PDE1A: variants seen among roughly 807,000 people sequenced by gnomAD.
PDE1A encodes the protein phosphodiesterase 1A, also known as dual specificity calcium/calmodulin-dependent 3',5'-cyclic nucleotide phosphodiesterase 1A.
Under a neutral mutation model 61.7 loss-of-function variants are expected in PDE1A, and 35 were observed. The ratio of observed to expected loss-of-function variants is 0.57; its 90% confidence interval spans 0.43 to 0.75. PDE1A has a LOEUF of 0.75. PDE1A is among the 30% of genes least tolerant of loss of function. PDE1A has a pLI of 0.00. For synonymous variants in PDE1A, 232 were observed against 213.2 expected (o/e 1.09, Z -0.77); for missense variants, 597 against 630.6 (o/e 0.95, Z 0.57).
intron 1 of PDE1A, among the ~76,000 whole-genome samples, chr2:182,376,754 A>G (rs1432077560): frequency 7.2e-5 from 11 of 152,222 alleles, no homozygotes; most frequent in Admixed American, 7.2e-4. Context: ...GCAATTTACA[A>G]AAGAAAGAGG....
the PDE1A span, among the ~76,000 whole-genome samples, chr2:182,683,095 CTTTT>C: frequency 7.3e-6 from 1 of 137,868 alleles, no homozygotes. Flanking sequence ...TTTTTCTTTT[CTTTT>C]TTTTTTTTTT....
intron 2 of PDE1A, among the ~76,000 whole-genome samples, chr2:182,468,995 G>C (rs1686855775): frequency 6.6e-6 from 1 of 152,050 alleles, no homozygotes; most frequent in South Asian, 2.1e-4. Flanking sequence ...CTGTTATCCA[G>C]CTTCATTGTT....
upstream of PDE1A, among the ~76,000 whole-genome samples, chr2:182,527,339 T>A (rs1690792849): frequency 7.0e-4 from 5 of 7,110 alleles, 2 homozygotes; most frequent in African/African-American, 3.0e-3. Flanking sequence ...TATATATATA[T>A]ATATATATAT....
chr2:182,508,112 T>A (rs542565340), intron 2 of PDE1A, among the ~76,000 whole-genome samples: 86 of 147,376 alleles, frequency 5.8e-4, no homozygotes, highest in African/African-American at 2.2e-3. Context: ...TAGAATTCTT[T>A]TTTTTTTTTT....
intron 1 of PDE1A, among the ~76,000 whole-genome samples, chr2:182,271,939 T>A (rs1693057460): frequency 6.6e-6 from 1 of 152,076 alleles, no homozygotes; most frequent in Non-Finnish European, 1.5e-5. Context: ...AAAAACATGC[T>A]ACTTTTTAAA....
At chr2:182,410,804 A>C (rs1702566368) in intron 1 of PDE1A, among the ~76,000 whole-genome samples, 1 of 152,230 alleles carries the variant, frequency 6.6e-6, no homozygotes, top group Non-Finnish European at 1.5e-5. Flanking sequence ...CACTGACAAG[A>C]CACAGAAAAG....
intron 1 of PDE1A, among the ~76,000 whole-genome samples, chr2:182,364,465 G>GGAAAAAA (rs1699697812): frequency 7.7e-5 from 1 of 12,940 alleles, no homozygotes; most frequent in Non-Finnish European, 1.6e-4. Context: ...GAACACTTTG[G>GGAAAAAA]TAAAAAAAAA....
downstream of PDE1A, chr2:182,146,963 A>C: frequency 1.7e-6 from 1 of 575,914 alleles, no homozygotes; most frequent in Non-Finnish European, 3.0e-6. Flanking sequence ...AAATAAGAAA[A>C]TTTCATCCAT....
At chr2:182,354,429 T>A (rs959357742) in intron 1 of PDE1A, among the ~76,000 whole-genome samples, 1 of 152,150 alleles carries the variant, frequency 6.6e-6, no homozygotes, top group African/African-American at 2.4e-5. Context: ...CACAGGAAAA[T>A]CACGTTTTCT....
the PDE1A span, among the ~76,000 whole-genome samples, chr2:182,605,126 ACAATT>A: frequency 1.3e-5 from 2 of 151,888 alleles, no homozygotes; most frequent in Non-Finnish European, 2.9e-5. Context: ...TTTGACCTTA[ACAATT>A]CATTTCAAGC....
chr2:182,578,635 A>G, the PDE1A span, among the ~76,000 whole-genome samples: 1 of 152,236 alleles, frequency 6.6e-6, no homozygotes, highest in Non-Finnish European at 1.5e-5. Context: ...AAGTACATTT[A>G]TACAATAGAA....
chr2:182,469,686 G>A (rs760351452), intron 2 of PDE1A, among the ~76,000 whole-genome samples: 29 of 151,850 alleles, frequency 1.9e-4, no homozygotes, highest in Non-Finnish European at 4.0e-4. Context: ...AGCCTATCTC[G>A]GCTTTCACTG....
chr2:182,527,324 AAAAATATATATATATATATATATAT>A (rs1200259802), upstream of PDE1A, among the ~76,000 whole-genome samples: 75 of 37,172 alleles, frequency 2.0e-3, 8 homozygotes, highest in African/African-American at 7.5e-3. Flanking sequence ...AAAAAAAAAA[AAAAATATATATATATATATATATAT>A]ATATATATAT....
At chr2:182,555,170 G>C in the PDE1A span, among the ~76,000 whole-genome samples, 9 of 152,186 alleles carry the variant, frequency 5.9e-5, no homozygotes, top group Admixed American at 5.2e-4. Context: ...GCTTTCTGTT[G>C]ACAGAGGCAC....
At chr2:182,413,826 G>A (rs922217167) in intron 1 of PDE1A, among the ~76,000 whole-genome samples, 1 of 152,098 alleles carries the variant, frequency 6.6e-6, no homozygotes, top group African/African-American at 2.4e-5. Flanking sequence ...TTATGTTAGG[G>A]TGCACATATG....
intron 10 of PDE1A, among the ~76,000 whole-genome samples, chr2:182,200,116 A>G (rs1399988205): frequency 3.9e-5 from 6 of 152,234 alleles, no homozygotes; most frequent in African/African-American, 1.4e-4. Context: ...TAATCTGAAA[A>G]TACAGAAATA....
At chr2:182,234,547 T>G in intron 3 of PDE1A, 49 bp from the exon 4 acceptor site, 1 of 1,169,876 alleles carries the variant, frequency 8.5e-7, no homozygotes, top group Non-Finnish European at 1.3e-6. Context: ...TTATTCAAAG[T>G]TTTCAACTAT....
At chr2:182,458,651 A>G (rs1574708822) in intron 2 of PDE1A, among the ~76,000 whole-genome samples, 1 of 152,106 alleles carries the variant, frequency 6.6e-6, no homozygotes, top group African/African-American at 2.4e-5. Flanking sequence ...CAGACTCAAG[A>G]CTAAGTCCCA....
the PDE1A span, among the ~76,000 whole-genome samples, chr2:182,675,283 G>A: frequency 6.6e-6 from 1 of 152,092 alleles, no homozygotes; most frequent in Non-Finnish European, 1.5e-5. Context: ...CAAAAGACAT[G>A]ATCTCATTGT....
Sources: allele counts gnomAD v4.1 joint callset (sites outside exome capture counted in the v4.1 genomes callset), GRCh38; gene constraint gnomAD v4.1.1; transcripts MANE v1.5; gene names NCBI Gene and HGNC (gene_info 2026-07-23, HGNC 2026-07-21).